The following PAK5 variants were observed in gnomAD, a reference collection of about 807,000 sequenced individuals.
PAK5 encodes p21 (RAC1) activated kinase 5.
Under a neutral mutation model 65.9 loss-of-function variants are expected in PAK5, and 16 were observed. That is an observed-to-expected ratio of 0.24 (90% CI 0.16 to 0.37). The LOEUF (loss-of-function observed/expected upper bound fraction) is 0.37, where lower values mean the gene tolerates loss of function less well. PAK5 is among the 10% of genes least tolerant of loss of function. The pLI, the probability that PAK5 is intolerant of heterozygous loss-of-function variation, is 1.00. For synonymous variants in PAK5, 371 were observed against 354.9 expected, an observed-to-expected ratio of 1.05 and a Z score of -0.51; for missense variants, 785 against 903.9, an observed-to-expected ratio of 0.87 and a Z score of 1.69.
rs141104054 is a variant in PAK5, at chr20:9,566,527, C to G, written c.991-143G>C. ...GATCTGGCTGGGGCACCAACAGGAC[C>G]GGCCACACCTAGGGAAGGGCCTTCT... On this transcript the variant is annotated intron_variant, in intron 4 of 9. Coordinates refer to ENST00000353224, the MANE Select transcript of PAK5 (RefSeq NM_177990.4). 2,275 of 759,146 alleles carry G rather than the reference C, an allele frequency of 3.0e-3. 23 individuals carry two copies. In the African/African-American group the frequency reaches 0.034, roughly 11 times the overall value. The allele number at this position is 759,146 out of a possible 1,614,324, so 47.0% of individuals were successfully genotyped here.
intron 2 of PAK5, 42 bp from the exon 3 acceptor site, chr20:9,644,381 G>C: frequency 7.7e-7 from 1 of 1,297,538 alleles, no homozygotes; most frequent in Non-Finnish European, 1.1e-6. Flanking sequence ...TTTATATCTT[G>C]CCAGCAGAAG....
chr20:9,624,848 A>G (rs1329888363), intron 3 of PAK5, among the ~76,000 whole-genome samples: 12 of 152,150 alleles, frequency 7.9e-5, no homozygotes, highest in Admixed American at 3.9e-4. Context: ...TATGTTACTA[A>G]CTATGAGCCC....
chr20:9,659,074 T>C (rs73240976), intron 2 of PAK5, among the ~76,000 whole-genome samples: 343 of 152,304 alleles, frequency 2.3e-3, no homozygotes, highest in African/African-American at 8.0e-3. Flanking sequence ...ATGAGATACG[T>C]GGTAGGTGTT....
chr20:9,783,700 C>A (rs995626973), intron 1 of PAK5, among the ~76,000 whole-genome samples: 2 of 152,072 alleles, frequency 1.3e-5, no homozygotes, highest in Admixed American at 6.6e-5. Flanking sequence ...TACTTTAAGT[C>A]TAAATTGTTT....
rs1416253545 is a variant in PAK5, at chr20:9,538,932, C to CT, written c.*529dup. The CT allele has an allele frequency of 4.3e-6, 1 of 233,068 alleles. No individual in the cohort carries two copies. Among genetic ancestry groups the CT allele is most frequent in the African/African-American group, 2.2e-5 (1 of 45,298 alleles). The allele number at this position is 233,068 out of a possible 1,614,324, so 14.4% of individuals were successfully genotyped here. A position where few individuals can be genotyped will look rare whatever the true frequency, so the allele number is the denominator to read the frequency against. ...TAGGAAAGGCTTTGTTCAAACTCCT[C>CT]TAGTAAACAAGTATTACTTCAACTG... On this transcript the variant is annotated 3_prime_UTR_variant, in exon 10 of 10. Transcript: ENST00000353224.
intron 3 of PAK5, among the ~76,000 whole-genome samples, chr20:9,602,319 TAAA>T (rs2046375324): frequency 1.3e-5 from 2 of 150,818 alleles, no homozygotes; most frequent in Admixed American, 1.3e-4. Flanking sequence ...AATAAATAAA[TAAA>T]TAAATAAATA....
chr20:9,812,655 A>T (rs2049311221), intron 1 of PAK5, among the ~76,000 whole-genome samples: 1 of 152,192 alleles, frequency 6.6e-6, no homozygotes, highest in Non-Finnish European at 1.5e-5. Flanking sequence ...ATCATTTCTA[A>T]TAGGCAAAAG....
intron 3 of PAK5, among the ~76,000 whole-genome samples, chr20:9,620,716 C>T (rs1295994649): frequency 6.6e-6 from 1 of 152,038 alleles, no homozygotes; most frequent in Non-Finnish European, 1.5e-5. Context: ...TACAGAGTCT[C>T]TGCCCTGGAG....
rs1212380706 is a variant in PAK5 at position 9,601,828 on chromosome 20, C to A, written c.205-20898G>T. Among the ~76,000 whole-genome samples the A allele has an allele frequency of 3.3e-5, 5 of 152,156 alleles. No individual in the cohort carries two copies. The East Asian group carries it at 9.6e-4, about 29-fold the overall frequency. Reference sequence around the variant, plus strand: ...GTCCAAAAAAAATGCCAAGAGGCGTCCAGAACAGACCTGAACCCAACCTAA... The same window carrying A: ...GTCCAAAAAAAATGCCAAGAGGCGTACAGAACAGACCTGAACCCAACCTAA... On this transcript the variant is annotated intron_variant, in intron 3 of 9. Coordinates refer to ENST00000353224, the MANE Select transcript of PAK5 (RefSeq NM_177990.4).
intron 1 of PAK5, among the ~76,000 whole-genome samples, chr20:9,736,491 T>C (rs748556460): frequency 1.3e-5 from 2 of 152,138 alleles, no homozygotes; most frequent in African/African-American, 2.4e-5. Context: ...GCATATAAAA[T>C]AATAGTTCAT....
At chr20:9,769,326 T>C (rs542354691) in intron 1 of PAK5, among the ~76,000 whole-genome samples, 1 of 152,346 alleles carries the variant, frequency 6.6e-6, no homozygotes, top group African/African-American at 2.4e-5. Context: ...ATTCTGCCCA[T>C]GGATAAAATA....
intron 3 of PAK5, among the ~76,000 whole-genome samples, chr20:9,600,315 GA>G (rs2046338489): frequency 1.3e-5 from 2 of 152,152 alleles, no homozygotes; most frequent in Admixed American, 1.3e-4. Flanking sequence ...TTTTTCAAGA[GA>G]GTTTTGGCTA....
chr20:9,713,722 T>C (rs1040626874), intron 1 of PAK5, among the ~76,000 whole-genome samples: 4 of 151,968 alleles, frequency 2.6e-5, no homozygotes, highest in Admixed American at 6.6e-5. Flanking sequence ...GCAATACGGA[T>C]GGAATTGAAG....
At chr20:9,586,985 G>T (rs112509676) in intron 3 of PAK5, among the ~76,000 whole-genome samples, 130 of 152,194 alleles carry the variant, frequency 8.5e-4, no homozygotes, top group Middle Eastern at 3.4e-3. Flanking sequence ...TTAAGTCACT[G>T]TCTCTTAATC....
rs929667308 is a variant in PAK5, at chr20:9,580,886, G to A, written c.249C>T (p.Asn83=). ...GNKPCKETSI[N]GLLEDFDNIS... is the part of the protein sequence containing the mutation. ...TGTTGTCAAAATCCTCTAGCAGGCCGTTGATGGAGGTTTCCTTGCAGGGTT... is the reference window on the plus strand; with the variant it reads ...TGTTGTCAAAATCCTCTAGCAGGCCATTGATGGAGGTTTCCTTGCAGGGTT... The change falls in exon 4 of 10, where the codon AAC becomes AAT. Residue 83 remains asparagine, a synonymous_variant. Transcript: ENST00000353224. The A allele has an allele frequency of 2.4e-5, 39 of 1,607,260 alleles. No individual in the cohort carries two copies. The highest frequency in any genetic ancestry group is 1.7e-4 in the Middle Eastern group (1 of 6,032).
At chr20:9,596,756 T>C (rs1482455661) in intron 3 of PAK5, among the ~76,000 whole-genome samples, 2 of 150,902 alleles carry the variant, frequency 1.3e-5, no homozygotes, top group Admixed American at 1.3e-4. Context: ...ATCTCTGGGG[T>C]AAAGACCAGG....
At chr20:9,719,956 A>C (rs2048195302) in intron 1 of PAK5, among the ~76,000 whole-genome samples, 1 of 152,200 alleles carries the variant, frequency 6.6e-6, no homozygotes, top group South Asian at 2.1e-4. Flanking sequence ...CTGACACCTA[A>C]AATGGTAAAA....
chr20:9,649,103 A>G (rs1415159740), intron 2 of PAK5, among the ~76,000 whole-genome samples: 2 of 152,220 alleles, frequency 1.3e-5, no homozygotes, highest in Non-Finnish European at 2.9e-5. Context: ...TAGGCAATTC[A>G]AGAATTAATT....
intron 1 of PAK5, among the ~76,000 whole-genome samples, chr20:9,721,423 G>A (rs1345275237): frequency 2.6e-5 from 4 of 151,872 alleles, no homozygotes; most frequent in African/African-American, 4.8e-5. Context: ...CGAGGTGGGC[G>A]GATCAGCTGA....
Sources: gnomAD v4.1 joint callset for allele counts (sites outside exome capture counted in the v4.1 genomes callset) on GRCh38, gnomAD v4.1.1 for gene constraint, MANE v1.5 for transcripts, NCBI Gene and HGNC (gene_info 2026-07-23, HGNC 2026-07-21) for gene names.